Variants in PAPPA2 observed in about 807,000 individuals in gnomAD.
The protein encoded by PAPPA2 is pappalysin 2, also known as pappalysin-2.
PAPPA2 carries 86 observed loss-of-function variants against 176.4 expected under a neutral mutation model. The observed-to-expected ratio is 0.49, with a 90% CI of 0.41 to 0.58. PAPPA2 has a LOEUF of 0.58. PAPPA2 is among the 20% of genes least tolerant of loss of function. PAPPA2 has a pLI of 0.00. For synonymous variants in PAPPA2, 809 were observed against 852.2 expected (o/e 0.95, Z 0.88); for missense variants, 2,073 against 2,256.9 (o/e 0.92, Z 1.65).
intron 21 of PAPPA2, among the ~76,000 whole-genome samples, chr1:176,804,472 T>G (rs552875642): frequency 4.6e-5 from 7 of 152,182 alleles, no homozygotes; most frequent in Non-Finnish European, 1.0e-4. Context: ...CAAAGAATTA[T>G]CCTGCCCCAA....
intron 4 of PAPPA2, among the ~76,000 whole-genome samples, chr1:176,682,684 T>A (rs926951513): frequency 6.6e-5 from 10 of 151,958 alleles, no homozygotes; most frequent in Non-Finnish European, 1.5e-4. Flanking sequence ...CTAGCTCCAG[T>A]TATTATTATT....
intron 12 of PAPPA2, among the ~76,000 whole-genome samples, chr1:176,736,347 A>T (rs868747974): frequency 5.0e-4 from 76 of 151,678 alleles, no homozygotes; most frequent in African/African-American, 1.7e-3. Context: ...TATATATATA[A>T]AATGTATTTC....
chr1:176,623,551 A>G (rs1302300771), intron 3 of PAPPA2, among the ~76,000 whole-genome samples: 2 of 149,530 alleles, frequency 1.3e-5, no homozygotes, highest in Non-Finnish European at 3.0e-5. Context: ...GAACAGCTGC[A>G]TTTTCCCCTT....
chr1:176,693,367 G>A (rs534250920), intron 6 of PAPPA2, among the ~76,000 whole-genome samples: 2 of 152,374 alleles, frequency 1.3e-5, no homozygotes, highest in South Asian at 4.1e-4. Context: ...CAACTGATTG[G>A]AGGTGAACTC....
intron 17 of PAPPA2, among the ~76,000 whole-genome samples, chr1:176,780,892 G>A (rs998915866): frequency 2.0e-5 from 3 of 152,130 alleles, no homozygotes; most frequent in Non-Finnish European, 4.4e-5. Context: ...GCACTGATGA[G>A]AATTGATATT....
chr1:176,720,355 T>C (rs1015761349), intron 12 of PAPPA2, among the ~76,000 whole-genome samples: 1 of 152,174 alleles, frequency 6.6e-6, no homozygotes, highest in Non-Finnish European at 1.5e-5. Flanking sequence ...TTTGTAATCA[T>C]ATTTAATATG....
rs1385479315 is a variant in PAPPA2 at position 176,692,182 on chromosome 1, T to G, written c.2488T>G (p.Leu830Val). ...CCAAGTGGCCCGAATGCATTGCTATTTGGACCTAGTCTATCAGCAGTGGAC... is the reference window on the plus strand; with the variant it reads ...CCAAGTGGCCCGAATGCATTGCTATGTGGACCTAGTCTATCAGCAGTGGAC... ...PNQVARMHCY[L>V]DLVYQQWTES... The change falls in exon 6 of 23, where the codon TTG becomes GTG. Residue 830 changes from leucine (L) to valine (V), a missense_variant. This residue lies in a region of PAPPA2 where 1,196 missense variants were observed against 1,330.4 expected (regional missense o/e 0.90). Coordinates refer to ENST00000367662, the MANE Select transcript of PAPPA2 (RefSeq NM_020318.3). 1 of 1,614,018 alleles carries G rather than the reference T, an allele frequency of 6.2e-7. No homozygotes were observed. Among genetic ancestry groups the G allele is most frequent in the African/African-American group, 1.3e-5 (1 of 74,926 alleles).
rs769332729 is a variant in PAPPA2 at position 176,842,431 on chromosome 1, C to T, written c.5353C>T (p.Pro1785Ser). 1.8e-5 allele frequency: 29 copies of T among 1,613,166 alleles called. No individual in the cohort carries two copies. The highest frequency in any genetic ancestry group is 2.3e-5 in the Non-Finnish European group (27 of 1,179,530). Residue 1785 changes from proline to serine, a missense_variant, in exon 23 of 23, where the codon CCC becomes TCC. By Grantham distance (74) the Pro-to-Ser change is moderately conservative. This residue lies in a region of PAPPA2 where 27 missense variants were observed against 52.1 expected (regional missense o/e 0.52). Transcript: ENST00000367662. ...CCTGGATGAGTGCACCTGCCGGGACCCCAAGGCAGAAGAAAATCAGTAACT... is the reference window on the plus strand; with the variant it reads ...CCTGGATGAGTGCACCTGCCGGGACTCCAAGGCAGAAGAAAATCAGTAACT... ...CDLDECTCRD[P>S]KAEENQ
intron 15 of PAPPA2, 77 bp from the exon 16 acceptor site, chr1:176,769,530 G>A: frequency 2.8e-6 from 4 of 1,439,912 alleles, no homozygotes; most frequent in Non-Finnish European, 3.8e-6. Context: ...TAATCACCAA[G>A]ACTCTTCTAA....
intron 14 of PAPPA2, among the ~76,000 whole-genome samples, chr1:176,740,868 G>A (rs1013769171): frequency 3.3e-5 from 5 of 152,122 alleles, no homozygotes; most frequent in African/African-American, 4.8e-5. Flanking sequence ...AATCAATTGA[G>A]TGGGACTACA....
At chr1:176,793,735 T>C in intron 20 of PAPPA2, 66 bp downstream of exon 20, 1 of 1,272,814 alleles carries the variant, frequency 7.9e-7, no homozygotes, top group Non-Finnish European at 1.1e-6. Context: ...GGAGCATTAT[T>C]TTTTGGAGTA....
At chr1:176,819,471 A>G (rs1195784644) in intron 21 of PAPPA2, among the ~76,000 whole-genome samples, 1 of 152,050 alleles carries the variant, frequency 6.6e-6, no homozygotes, top group Non-Finnish European at 1.5e-5. Flanking sequence ...TCTTGCCTTT[A>G]TTCTCTTTGG....
intron 3 of PAPPA2, among the ~76,000 whole-genome samples, chr1:176,612,375 C>T (rs985367417): frequency 5.3e-5 from 8 of 151,450 alleles, no homozygotes; most frequent in Admixed American, 1.3e-4. Flanking sequence ...GCCTGGGTGA[C>T]GGAGCGAGAC....
chr1:176,699,021 T>C (rs1035763391), intron 7 of PAPPA2, 79 bp from the exon 8 acceptor site: 11 of 1,484,748 alleles, frequency 7.4e-6, no homozygotes, highest in Non-Finnish European at 1.0e-5. Flanking sequence ...ATAGTTCCTC[T>C]TTCTGGCTGC....
chr1:176,657,089 A>G (rs1658075516), intron 3 of PAPPA2, among the ~76,000 whole-genome samples: 1 of 152,000 alleles, frequency 6.6e-6, no homozygotes, highest in Non-Finnish European at 1.5e-5. Context: ...GGAGTCCTCA[A>G]GAAGCAGCAC....
At chr1:176,722,906 C>T (rs1661690219) in intron 12 of PAPPA2, among the ~76,000 whole-genome samples, 1 of 152,178 alleles carries the variant, frequency 6.6e-6, no homozygotes. Flanking sequence ...TCTTACATTT[C>T]AGGTGTGTAC....
chr1:176,709,811 A>T (rs1207358345), intron 10 of PAPPA2, among the ~76,000 whole-genome samples, 172 bp from the exon 11 acceptor site: 2 of 151,856 alleles, frequency 1.3e-5, no homozygotes, highest in African/African-American at 4.8e-5. Context: ...TTCTTTAGGG[A>T]TGTGTGGGAT....
Position 176,739,999 on chromosome 1 carries a change from C to G in PAPPA2, c.3954C>G (p.Cys1318Trp), listed in dbSNP as rs770036203. 2 of 1,613,866 alleles carry G rather than the reference C, an allele frequency of 1.2e-6. No individual in the cohort carries two copies. The highest frequency in any genetic ancestry group is 1.7e-6 in the Non-Finnish European group (2 of 1,179,838). Residue 1318 changes from cysteine (C) to tryptophan (W), a missense_variant, in exon 14 of 23, where the codon TGC becomes TGG. Physicochemically the swap from Cys to Trp is radical, Grantham distance 215 (BLOSUM62 -2). Transcript: ENST00000367662. ...CTTCAGGAACCTATGGACTGTCATG[C>G]CAGCATAATCCACTGATTATCAATG... ...NHSLGTYGLS[C>W]QHNPLIINVT...
At chr1:176,840,791 T>C (rs1667459917) in intron 22 of PAPPA2, among the ~76,000 whole-genome samples, 1 of 152,194 alleles carries the variant, frequency 6.6e-6, no homozygotes, top group Non-Finnish European at 1.5e-5. Flanking sequence ...CTCTGTTAAA[T>C]TAGCAGATAG....
Sources: gnomAD v4.1 joint callset for allele counts (sites outside exome capture counted in the v4.1 genomes callset) on GRCh38, gnomAD v4.1.1 for gene constraint, gnomAD v4.1.1 regional missense constraint, MANE v1.5 for transcripts, NCBI Gene and HGNC (gene_info 2026-07-23, HGNC 2026-07-21) for gene names.